Variants in SVOPL observed in about 807,000 individuals in gnomAD.
SVOPL encodes the protein putative transporter SVOPL.
A neutral mutation model predicts 61.0 loss-of-function variants in SVOPL; 60 were observed. The observed-to-expected ratio is 0.98, with a 90% CI of 0.80 to 1.22. The LOEUF is 1.22. Ranked by LOEUF, SVOPL falls within the 50% of genes most tolerant of loss-of-function variation. The pLI is 0.00. For missense variants in SVOPL, 662 were observed against 643.9 expected (o/e 1.03, Z -0.30); for synonymous variants, 279 against 250.0 (o/e 1.12, Z -1.09).
intron 9 of SVOPL, among the ~76,000 whole-genome samples, chr7:138,638,177 G>A (rs1800588048): frequency 6.7e-6 from 1 of 149,834 alleles, no homozygotes; most frequent in South Asian, 2.1e-4. Context: ...AGGGGCTAAA[G>A]CAGGAGAATC....
chr7:138,609,536 G>A, intron 14 of SVOPL, among the ~76,000 whole-genome samples: 1 of 151,206 alleles, frequency 6.6e-6, no homozygotes, highest in Non-Finnish European at 1.5e-5. Flanking sequence ...GTGAGCACCT[G>A]CAGTCCCAGC....
At position 138,596,482 on chromosome 7, in the gene SVOPL, C is replaced by G; in HGVS notation, c.1402G>C (p.Val468Leu). 5 of 1,613,950 alleles carry G rather than the reference C, an allele frequency of 3.1e-6. No homozygotes were observed. Among genetic ancestry groups the G allele is most frequent in the South Asian group, 1.1e-5 (1 of 91,066 alleles). ...GCAGAAATGGCGCATACAACACAGA[C>G]AGATGAGAAGAGACACAGGGCCCCC... ...ILGALCLFSS[V>L]CVVCAISAFT... The change falls in exon 15 of 16, where the codon GTC (valine) becomes CTC (leucine). Residue 468 changes from valine to leucine, a missense_variant. By Grantham distance (32) the Val-to-Leu change is conservative. Coordinates refer to ENST00000674285, the MANE Select transcript of SVOPL (RefSeq NM_001139456.2).
chr7:138,615,560 C>CCA (rs1799256394), intron 14 of SVOPL, among the ~76,000 whole-genome samples: 1 of 5,526 alleles, frequency 1.8e-4, no homozygotes, highest in African/African-American at 3.3e-4. Context: ...ACTCCGTCTC[C>CCA]AAAAAAAAAA....
At chr7:138,660,233 A>C in intron 5 of SVOPL, 7 of 1,194,770 alleles carry the variant, frequency 5.9e-6, no homozygotes, top group East Asian at 9.3e-5. Context: ...GCCCACCCTC[A>C]TGGGTGGCAG....
At chr7:138,665,110 G>A (rs1238024713) in intron 4 of SVOPL, among the ~76,000 whole-genome samples, 1 of 15,284 alleles carries the variant, frequency 6.5e-5, no homozygotes, top group African/African-American at 3.1e-4. Context: ...ACCCTCCCCC[G>A]CCCCCACTCG....
At chr7:138,660,199 C>T in intron 5 of SVOPL, 1 of 1,317,912 alleles carries the variant, frequency 7.6e-7, no homozygotes, top group South Asian at 1.7e-5. Context: ...AAGTTCAGAC[C>T]ATTCTTTAAA....
intron 1 of SVOPL, among the ~76,000 whole-genome samples, chr7:138,683,121 C>T (rs915315108): frequency 1.3e-5 from 2 of 151,552 alleles, no homozygotes; most frequent in African/African-American, 2.4e-5. Flanking sequence ...ATTATGGCTA[C>T]GGTATAAGAA....
chr7:138,669,162 T>C (rs1181087465), intron 4 of SVOPL, among the ~76,000 whole-genome samples: 2 of 152,180 alleles, frequency 1.3e-5, no homozygotes, highest in African/African-American at 2.4e-5. Context: ...CCAAAAGGAA[T>C]GCAACTGGGC....
At chr7:138,689,520 G>T in intron 1 of SVOPL, 1 of 603,140 alleles carries the variant, frequency 1.7e-6, no homozygotes, top group Non-Finnish European at 2.9e-6. Context: ...TATGACACGA[G>T]AGTAAATTCA....
At chr7:138,629,537 C>T (rs1402262048) in intron 10 of SVOPL, among the ~76,000 whole-genome samples, 2 of 152,118 alleles carry the variant, frequency 1.3e-5, no homozygotes, top group Admixed American at 6.6e-5. Flanking sequence ...CCACCGTACC[C>T]GGCCTTCTTC....
At chr7:138,626,224 C>A in intron 12 of SVOPL, 174 bp from the exon 13 acceptor site, 2 of 607,602 alleles carry the variant, frequency 3.3e-6, no homozygotes, top group South Asian at 4.0e-5. Context: ...AAACCTCCTT[C>A]CAATCTTACT....
chr7:138,699,742 G>GA (rs1304262007), intron 1 of SVOPL, among the ~76,000 whole-genome samples: 5 of 152,054 alleles, frequency 3.3e-5, no homozygotes, highest in Non-Finnish European at 5.9e-5. Flanking sequence ...GGTGAGGGTG[G>GA]AAAAAAAGGG....
chr7:138,606,123 A>G (rs1209703862), intron 14 of SVOPL, among the ~76,000 whole-genome samples: 1 of 152,196 alleles, frequency 6.6e-6, no homozygotes, highest in Non-Finnish European at 1.5e-5. Context: ...ATCTATGCAC[A>G]CGTCCTGGTC....
intron 1 of SVOPL, among the ~76,000 whole-genome samples, chr7:138,686,337 C>T (rs562231934): frequency 4.3e-4 from 58 of 133,558 alleles, no homozygotes; most frequent in African/African-American, 1.5e-3. Context: ...CCGGGGGGGG[C>T]GGAGGTTGCA....
intron 14 of SVOPL, among the ~76,000 whole-genome samples, chr7:138,599,688 G>C (rs949772664): frequency 3.3e-5 from 5 of 152,142 alleles, no homozygotes; most frequent in African/African-American, 1.2e-4. Flanking sequence ...AGGAGTTCAA[G>C]ACCAGCCTGA....
rs539327280 is a variant in SVOPL, at chr7:138,656,013, C to T, written c.534+435G>A. Among the ~76,000 whole-genome samples the T allele has an allele frequency of 9.8e-4, 149 of 152,208 alleles. 1 individual carries two copies. Among genetic ancestry groups the T allele is most frequent in the African/African-American group, 3.4e-3 (143 of 41,526 alleles). ...GAAATCTTTCAGGAAAAGAAGAAGTCCATTGATGTGGCAAACTTCATTGTT... is the reference window on the plus strand; with the variant it reads ...GAAATCTTTCAGGAAAAGAAGAAGTTCATTGATGTGGCAAACTTCATTGTT... On this transcript the variant is annotated intron_variant, in intron 7 of 15. Transcript: ENST00000674285.
chr7:138,631,395 G>T (rs1292593437), intron 9 of SVOPL, among the ~76,000 whole-genome samples: 2 of 151,990 alleles, frequency 1.3e-5, no homozygotes, highest in South Asian at 2.1e-4. Context: ...ATTAACTATA[G>T]CCACTGTTTT....
chr7:138,653,945 A>G (rs1250339073), intron 7 of SVOPL, among the ~76,000 whole-genome samples: 1 of 41,842 alleles, frequency 2.4e-5, no homozygotes, highest in Non-Finnish European at 9.1e-5. Context: ...AAAAAAAAAA[A>G]AAAGAAAAGA....
chr7:138,669,795 C>T (rs1007815573), intron 4 of SVOPL, among the ~76,000 whole-genome samples: 2 of 152,338 alleles, frequency 1.3e-5, no homozygotes, highest in East Asian at 3.9e-4. Context: ...TTCCTTCCTG[C>T]TATGCCCATC....
Sources: gnomAD v4.1 joint callset for allele counts (sites outside exome capture counted in the v4.1 genomes callset) on GRCh38, gnomAD v4.1.1 for gene constraint, MANE v1.5 for transcripts, NCBI Gene and HGNC (gene_info 2026-07-23, HGNC 2026-07-21) for gene names.